Variants in BOD1L1 observed in about 807,000 individuals in gnomAD.
BOD1L1 encodes biorientation of chromosomes in cell division protein 1-like 1.
In BOD1L1, 86 loss-of-function variants were observed where a neutral mutation model predicts 240.7. That is an observed-to-expected ratio of 0.36 (90% CI 0.30 to 0.43). BOD1L1 has a LOEUF of 0.43. Among genes scored for constraint, BOD1L1 ranks in the 20% least tolerant of loss-of-function variants. BOD1L1 has a pLI of 1.00. For missense variants in BOD1L1, 3,554 were observed against 3,643.5 expected (o/e 0.98, Z 0.63); for synonymous variants, 1,268 against 1,272.3 (o/e 1.00, Z 0.07).
intron 2 of BOD1L1, 122 bp downstream of exon 2, chr4:13,619,821 A>G (rs1716908345): frequency 7.8e-7 from 1 of 1,276,912 alleles, no homozygotes; most frequent in Non-Finnish European, 1.1e-6. Flanking sequence ...AAATAGCCAC[A>G]CCAAATCCAG....
At chr4:13,581,603 A>C (rs1251249556) in intron 19 of BOD1L1, among the ~76,000 whole-genome samples, 1 of 152,210 alleles carries the variant, frequency 6.6e-6, no homozygotes, top group East Asian at 1.9e-4. Flanking sequence ...AACAATAACA[A>C]ATGATTTAAC....
At chr4:13,576,691 G>T in intron 25 of BOD1L1, 147 bp downstream of exon 25, 1 of 1,021,752 alleles carries the variant, frequency 9.8e-7, no homozygotes, top group Non-Finnish European at 1.4e-6. Flanking sequence ...AGAACTATGT[G>T]CCCACTGCTA....
In BOD1L1 at chr4:13,587,689, A is replaced by G. The variant is rs1397273299; in HGVS notation, c.8353+10T>C. On this transcript the variant is annotated intron_variant, in intron 16 of 25. Transcript: ENST00000040738. ...AAAGATGTCTAAAACAGAAACATAA[A>G]TATAAATACCTGGTTCATCTTCTGA... is the stretch of plus-strand genomic sequence containing the variant. 2.0e-6 allele frequency: 3 copies of G among 1,530,298 alleles called. No homozygotes were observed. In the East Asian group the frequency reaches 7.2e-5, roughly 37 times the overall value. 94.8% of individuals were successfully genotyped at this position (1,530,298 alleles called of 1,614,324 possible). A position where few individuals can be genotyped will look rare whatever the true frequency, so the allele number is the denominator to read the frequency against.
intron 1 of BOD1L1, chr4:13,624,793 T>A (rs933135537): frequency 3.3e-5 from 5 of 152,206 alleles, no homozygotes; most frequent in Admixed American, 6.5e-5. Context: ...CTGGCAGGTA[T>A]CAAATGTCTT....
At chr4:13,586,942 T>C (rs181523471) in intron 16 of BOD1L1, among the ~76,000 whole-genome samples, 12 of 152,336 alleles carry the variant, frequency 7.9e-5, no homozygotes, top group African/African-American at 2.2e-4. Context: ...TAAATGGGAA[T>C]GTGTATAATG....
In BOD1L1 at chr4:13,614,799, G is replaced by A; in HGVS notation, c.571C>T (p.Pro191Ser). 6.2e-7 allele frequency: 1 copy of A among 1,608,552 alleles called. No homozygotes were observed. Among genetic ancestry groups the A allele is most frequent in the East Asian group, 2.2e-5 (1 of 44,828 alleles). ...TSLITQGVPT[P>S]GPSANVANDA... ...TTGGCTACATTAGCACTGGGCCCAG[G>A]AGTAGGAACACCTTAAAGAAAAACA... The change falls in exon 4 of 26, where the codon CCT becomes TCT. Residue 191 changes from proline to serine, a missense_variant. Physicochemically the swap from Pro to Ser is moderately conservative, Grantham distance 74. Transcript: ENST00000040738.
chr4:13,625,208 A>G (rs1717302233), intron 1 of BOD1L1: 1 of 152,226 alleles, frequency 6.6e-6, no homozygotes, highest in Admixed American at 6.5e-5. Context: ...TGACCTCAAA[A>G]AAGAGGCTAA....
In BOD1L1 at chr4:13,603,810, T is replaced by G; in HGVS notation, c.3090A>C (p.Lys1030Asn). 1 of 1,613,604 alleles carries G rather than the reference T, an allele frequency of 6.2e-7. No individual in the cohort carries two copies. The highest frequency in any genetic ancestry group is 8.5e-7 in the Non-Finnish European group (1 of 1,179,866). ...TATTTTCGTCCTTCTTTTTTATGTC[T>G]TTACTACTATGCTTTAAGCTTCTGC... ...HKSRSLKHSSKDIKKKDENKS... is the reference protein window; with the variant it reads ...HKSRSLKHSSNDIKKKDENKS... The change falls in exon 10 of 26, where the codon AAA (lysine) becomes AAC (asparagine). Residue 1030 changes from lysine (K) to asparagine (N), a missense_variant. By Grantham distance (94) the Lys-to-Asn change is moderately conservative. Transcript: ENST00000040738.
Position 13,601,032 on chromosome 4 carries a change from G to A in BOD1L1, c.5868C>T (p.Ser1956=), listed in dbSNP as rs763445407. The A allele has an allele frequency of 6.7e-5, 108 of 1,613,976 alleles. 1 individual carries two copies. The East Asian group carries it at 2.4e-3, about 35-fold the overall frequency. Residue 1956 remains serine, a synonymous_variant, in exon 10 of 26, where the codon AGC becomes AGT. Transcript: ENST00000040738. The stretch of plus-strand genomic sequence containing the variant: ...TTCCTGAGACTGCACTGGTCACACT[G>A]CTTTCTACAATCCCTTTTGCACTGG... The part of the protein sequence containing the change: ...ICSSAKGIVE[S]SVTSAVSGKD...
chr4:13,573,086 A>C (rs1158124714), intron 25 of BOD1L1, among the ~76,000 whole-genome samples: 2 of 152,200 alleles, frequency 1.3e-5, no homozygotes, highest in African/African-American at 4.8e-5. Flanking sequence ...TTTAGAAAAA[A>C]GATGTATCTG....
At chr4:13,619,874 G>C (rs1300178625) in intron 2 of BOD1L1, 69 bp downstream of exon 2, 1 of 1,532,660 alleles carries the variant, frequency 6.5e-7, no homozygotes, top group Non-Finnish European at 8.9e-7. Context: ...TGTATGTAAT[G>C]CCTCCGCTTT....
Position 13,627,593 on chromosome 4 carries a change from C to G in BOD1L1, c.-6G>C. 1 of 1,145,664 alleles carries G rather than the reference C, an allele frequency of 8.7e-7. No individual in the cohort carries two copies. The highest frequency in any genetic ancestry group is 1.1e-6 in the Non-Finnish European group (1 of 931,936). 71.0% of individuals were successfully genotyped at this position (1,145,664 alleles called of 1,614,324 possible). A position where few individuals can be genotyped will look rare whatever the true frequency, so the allele number is the denominator to read the frequency against. ...GGCTGTGGGTTGGTGGCCATGGTGG[C>G]CTGTGCCGGGGAGGGCAAGGGCCCT... On this transcript the variant is annotated 5_prime_UTR_variant, in exon 1 of 26. Transcript: ENST00000040738.
chr4:13,604,253 T>A lies in BOD1L1; in HGVS notation c.2647A>T (p.Met883Leu). Residue 883 changes from methionine to leucine, a missense_variant, in exon 10 of 26, where the codon ATG becomes TTG. Physicochemically the swap from Met to Leu is conservative, Grantham distance 15 (BLOSUM62 2). This residue lies in a region of BOD1L1 where 3,393 missense variants were observed against 3,427.1 expected (regional missense o/e 0.99). Coordinates refer to ENST00000040738, the MANE Select transcript of BOD1L1 (RefSeq NM_148894.3). Reference sequence around the variant, plus strand: ...TCTTCTGGTTTCAAATTACTATCCATGTTAGTGGAGTCCATATCACACTTA... The same window carrying A: ...TCTTCTGGTTTCAAATTACTATCCAAGTTAGTGGAGTCCATATCACACTTA... ...EDKCDMDSTNMDSNLKPEEVV... is the reference protein window; with the variant it reads ...EDKCDMDSTNLDSNLKPEEVV... 6.2e-7 allele frequency: 1 copy of A among 1,613,486 alleles called. No homozygotes were observed. The highest frequency in any genetic ancestry group is 8.5e-7 in the Non-Finnish European group (1 of 1,179,762).
intron 1 of BOD1L1, chr4:13,624,521 C>G (rs1213111051): frequency 6.6e-6 from 1 of 152,192 alleles, no homozygotes; most frequent in African/African-American, 2.4e-5. Flanking sequence ...TGGCTTCAAG[C>G]AATTCTCCTG....
At chr4:13,605,194 C>G in intron 9 of BOD1L1, 110 bp from the exon 10 acceptor site, 1 of 921,542 alleles carries the variant, frequency 1.1e-6, no homozygotes, top group East Asian at 3.1e-5. Flanking sequence ...TATGTAACAT[C>G]TCACTTAATT....
chr4:13,592,228 T>C (rs1368792657), intron 12 of BOD1L1: 1 of 379,276 alleles, frequency 2.6e-6, no homozygotes. Flanking sequence ...ATTACATCAC[T>C]ATGGTGATTT....
At position 13,603,124 on chromosome 4, in the gene BOD1L1, G is replaced by T; in HGVS notation, c.3776C>A (p.Thr1259Lys). 1 of 1,614,022 alleles carries T rather than the reference G, an allele frequency of 6.2e-7. No individual in the cohort carries two copies. The highest frequency in any genetic ancestry group is 8.5e-7 in the Non-Finnish European group (1 of 1,179,882). ...TTGAGCAACATGTTCTTCAGCAGCTGTGTTTTTCAAATTCTTCTGTACCCT... is the reference window on the plus strand; with the variant it reads ...TTGAGCAACATGTTCTTCAGCAGCTTTGTTTTTCAAATTCTTCTGTACCCT... ...NDRVQKNLKN[T>K]AAEEHVAQGD... The change falls in exon 10 of 26, where the codon ACA becomes AAA. Residue 1259 changes from threonine to lysine, a missense_variant. Around this residue, in one of 2 missense-constraint regions of BOD1L1, gnomAD observed 3,393 missense variants for 3,427.1 expected, o/e 0.99. Transcript: ENST00000040738.
Position 13,613,378 on chromosome 4 carries a change from G to A in BOD1L1, c.1324+134C>T. 1.2e-6 allele frequency: 1 copy of A among 858,094 alleles called. No individual in the cohort carries two copies. Among genetic ancestry groups the A allele is most frequent in the Non-Finnish European group, 1.7e-6 (1 of 592,658 alleles). 53.2% of individuals were successfully genotyped at this position (858,094 alleles called of 1,614,324 possible). ...CAGACAACTTTGGAGCTGGGACTCA[G>A]AAACAAATCTTCCAACTACAAAATC... On this transcript the variant is annotated intron_variant, in intron 5 of 25. Coordinates refer to ENST00000040738, the MANE Select transcript of BOD1L1 (RefSeq NM_148894.3). The surrounding 1 kb of genome is among the most constrained non-coding windows in gnomAD (Gnocchi z 4.0).
In BOD1L1 at chr4:13,603,726, A is replaced by ATTACCAGAG. The variant is rs1715425100; in HGVS notation, c.3173_3174insCTCTGGTAA (p.Gly1057_Ser1059dup). 1.2e-6 allele frequency: 2 copies of ATTACCAGAG among 1,613,892 alleles called. No homozygotes were observed. The highest frequency in any genetic ancestry group is 4.5e-5 in the East Asian group (2 of 44,882). ...TTAATTTCTTTTCCATGAGTGAACTATTACCTCTGGCCTTTTCATGACTAC... is the reference window on the plus strand; with the variant it reads ...TTAATTTCTTTTCCATGAGTGAACTATTACCAGAGTTACCTCTGGCCTTTTCATGACTAC... On this transcript the variant is annotated inframe_insertion, in exon 10 of 26. Coordinates refer to ENST00000040738, the MANE Select transcript of BOD1L1 (RefSeq NM_148894.3).
Sources: gnomAD v4.1 joint callset for allele counts (sites outside exome capture counted in the v4.1 genomes callset) on GRCh38, gnomAD v4.1.1 for gene constraint, gnomAD v4.1.1 regional missense constraint, Gnocchi (gnomAD v3.1) non-coding constraint, MANE v1.5 for transcripts, NCBI Gene and HGNC (gene_info 2026-07-23, HGNC 2026-07-21) for gene names.